Variants in PTPRN2 observed in about 807,000 individuals in gnomAD.
The protein encoded by PTPRN2 is protein tyrosine phosphatase receptor type N2.
In PTPRN2, 74 loss-of-function variants were observed where a neutral mutation model predicts 118.8. That is an observed-to-expected ratio of 0.62 (90% CI 0.52 to 0.76). The LOEUF (loss-of-function observed/expected upper bound fraction) is 0.76, where lower values mean the gene tolerates loss of function less well. Ranked by LOEUF, PTPRN2 falls within the 30% of genes least tolerant of loss-of-function variation. The pLI is 0.00. For synonymous variants in PTPRN2, 641 were observed against 608.0 expected, an observed-to-expected ratio of 1.05 and a Z score of -0.80; for missense variants, 1,481 against 1,394.4, an observed-to-expected ratio of 1.06 and a Z score of -0.99.
At chr7:158,182,048 G>T (rs1020327710) in intron 5 of PTPRN2, among the ~76,000 whole-genome samples, 1 of 152,152 alleles carries the variant, frequency 6.6e-6, no homozygotes. Context: ...TAGGCATTTA[G>T]CACAGTGAAC....
At chr7:158,445,675 G>A (rs896277743) in intron 2 of PTPRN2, among the ~76,000 whole-genome samples, 1 of 152,228 alleles carries the variant, frequency 6.6e-6, no homozygotes, top group African/African-American at 2.4e-5. Flanking sequence ...GCTCATCAAG[G>A]GAACAGCTTC....
In PTPRN2 at chr7:157,868,742, GA is replaced by G. The variant is rs1810874052; in HGVS notation, c.1788+29930del. Reference sequence around the variant, plus strand: ...CAGCGGTCGTTCTTCATTGTATTGTGAGCTCCCTCTGGGCTGTGCACTCCGG... The same window carrying G: ...CAGCGGTCGTTCTTCATTGTATTGTGGCTCCCTCTGGGCTGTGCACTCCGG... On this transcript the variant is annotated intron_variant, in intron 12 of 22. Transcript: ENST00000389418. The surrounding 1 kb of genome is among the most constrained non-coding windows in gnomAD (Gnocchi z 5.2). The G allele has an allele frequency of 6.6e-6, 1 of 152,138 alleles. No homozygotes were observed. The highest frequency in any genetic ancestry group is 2.4e-5 in the African/African-American group (1 of 41,408). 9.4% of individuals were successfully genotyped at this position (152,138 alleles called of 1,614,324 possible).
intron 12 of PTPRN2, among the ~76,000 whole-genome samples, chr7:157,731,344 C>G (rs1395391336): frequency 6.6e-6 from 1 of 152,212 alleles, no homozygotes; most frequent in Admixed American, 6.5e-5. Flanking sequence ...AATGTGAACT[C>G]TGCGGTGACT....
chr7:158,102,573 G>A (rs1815316838), intron 10 of PTPRN2, among the ~76,000 whole-genome samples: 1 of 152,178 alleles, frequency 6.6e-6, no homozygotes, highest in Admixed American at 6.5e-5. Flanking sequence ...GGCCTTGGCA[G>A]CAACAGGTGA....
chr7:157,593,888 C>T (rs77572816), intron 17 of PTPRN2, among the ~76,000 whole-genome samples: 2,003 of 152,322 alleles, frequency 0.013, 62 homozygotes, highest in Admixed American at 0.077. Flanking sequence ...CGTGCCATGC[C>T]GGGATTACAA....
rs546839159 is a variant in PTPRN2 at position 157,592,813 on chromosome 7, G to A, written c.2496+2425C>T. ...ATTGTGGTCGTTGAGCGTGGATGCC[G>A]AGAGCCTTCACACAGGACGGAGGGT... On this transcript the variant is annotated intron_variant, in intron 17 of 22. Coordinates refer to ENST00000389418, the MANE Select transcript of PTPRN2 (RefSeq NM_002847.5). Among the ~76,000 whole-genome samples, 314 of 137,844 alleles carry A rather than the reference G, an allele frequency of 2.3e-3. 2 individuals carry two copies. The highest frequency in any genetic ancestry group is 8.1e-3 in the African/African-American group (294 of 36,272). The allele number at this position is 137,844 out of a possible 152,430, so 90.4% of individuals were successfully genotyped here. A position where few individuals can be genotyped will look rare whatever the true frequency, so the allele number is the denominator to read the frequency against.
At chr7:157,805,322 T>TGC (rs563464500) in intron 12 of PTPRN2, among the ~76,000 whole-genome samples, 1 of 147,512 alleles carries the variant, frequency 6.8e-6, no homozygotes, top group East Asian at 2.1e-4. Flanking sequence ...TGTGTGCGTG[T>TGC]GCAAATACAT....
At chr7:158,083,535 T>C (rs1813007193) in intron 10 of PTPRN2, among the ~76,000 whole-genome samples, 1 of 152,182 alleles carries the variant, frequency 6.6e-6, no homozygotes, top group Non-Finnish European at 1.5e-5. Context: ...AGGTTCTTGG[T>C]TCCTCAGAGT....
rs942831724 is a variant in PTPRN2, at chr7:158,529,213, G to C, written c.113-39428C>G. ...TGGTGGGCACTAAGCACCCGTCGCT[G>C]TTGGTCCTGGGGCTAACGCTGATGG... On this transcript the variant is annotated intron_variant, in intron 1 of 22. Transcript: ENST00000389418. The surrounding 1 kb of genome is among the most constrained non-coding windows in gnomAD (Gnocchi z 4.7). Among the ~76,000 whole-genome samples, 1 of 152,258 alleles carries C rather than the reference G, an allele frequency of 6.6e-6. No individual in the cohort carries two copies. The highest frequency in any genetic ancestry group is 1.5e-5 in the Non-Finnish European group (1 of 68,040).
chr7:158,270,468 T>A (rs537614898), intron 3 of PTPRN2, among the ~76,000 whole-genome samples: 2 of 152,190 alleles, frequency 1.3e-5, no homozygotes, highest in South Asian at 4.2e-4. Context: ...CGGAGACAGA[T>A]GAGCCTCACT....
intron 11 of PTPRN2, among the ~76,000 whole-genome samples, chr7:157,935,649 C>T (rs1185046648): frequency 6.6e-6 from 1 of 152,230 alleles, no homozygotes; most frequent in Non-Finnish European, 1.5e-5. Flanking sequence ...GTCCTAATGT[C>T]CTGTTTCTTA....
chr7:157,747,683 G>T lies in PTPRN2; in HGVS notation c.1789-64746C>A, dbSNP rs576385913. On this transcript the variant is annotated intron_variant, in intron 12 of 22. Transcript: ENST00000389418. ...CGTCCCTGAGCTGTGGGCTGTTGAG[G>T]TGATTCTGAGGCCTGCGTCTCTCAG... Among the ~76,000 whole-genome samples, 33 of 135,438 alleles carry T rather than the reference G, an allele frequency of 2.4e-4. 1 individual carries two copies. Among genetic ancestry groups the T allele is most frequent in the African/African-American group, 7.9e-4 (28 of 35,498 alleles). The allele number at this position is 135,438 out of a possible 152,430, so 88.9% of individuals were successfully genotyped here.
At chr7:158,131,422 A>AAC (rs55822226) in intron 9 of PTPRN2, among the ~76,000 whole-genome samples, 95,078 of 145,654 alleles carry the variant, frequency 0.65, 31,859 homozygotes, top group African/African-American at 0.78. Context: ...ACATCTACCC[A>AAC]ACACACACAC....
rs13307029 is a variant in PTPRN2 at position 158,406,137 on chromosome 7, C to T, written c.163+83598G>A. ...ATCCCGGTGGCTCATCCGTGAGACA[C>T]GTGGCCGCACACTGAGATCCCGCAG... is the stretch of plus-strand genomic sequence containing the variant. On this transcript the variant is annotated intron_variant, in intron 2 of 22. Coordinates refer to ENST00000389418, the MANE Select transcript of PTPRN2 (RefSeq NM_002847.5). 3.5e-3 allele frequency among the ~76,000 whole-genome samples: 303 copies of T among 85,898 alleles called. 39 individuals are homozygous for T. The highest frequency in any genetic ancestry group is 4.6e-3 in the African/African-American group (94 of 20,534). The allele number at this position is 85,898 out of a possible 152,430, so 56.4% of individuals were successfully genotyped here. A position where few individuals can be genotyped will look rare whatever the true frequency, so the allele number is the denominator to read the frequency against.
At chr7:158,444,265 G>A (rs1817575908) in intron 2 of PTPRN2, among the ~76,000 whole-genome samples, 1 of 152,368 alleles carries the variant, frequency 6.6e-6, no homozygotes, top group East Asian at 1.9e-4. Flanking sequence ...GCCAGGCCAC[G>A]CCAGTGCCAT....
At chr7:158,071,798 CCTG>C (rs1811854998) in intron 11 of PTPRN2, among the ~76,000 whole-genome samples, 2 of 95,840 alleles carry the variant, frequency 2.1e-5, no homozygotes, top group Non-Finnish European at 3.8e-5. Context: ...TGGAGGTGCT[CCTG>C]GTGGAGGTGC....
At chr7:158,295,216 G>T (rs34845049) in intron 3 of PTPRN2, among the ~76,000 whole-genome samples, 390 of 56,874 alleles carry the variant, frequency 6.9e-3, no homozygotes, top group Admixed American at 7.5e-3. Flanking sequence ...AAGCCCATGG[G>T]GCCCGCTGAC....
rs1482218603 is a variant in PTPRN2, at chr7:158,517,360, C to T, written c.113-27575G>A. On this transcript the variant is annotated intron_variant, in intron 1 of 22. Transcript: ENST00000389418. This position sits in a 1 kb window ranked among gnomAD's most constrained non-coding sequence, Gnocchi z 5.3. ...GACACCTATCACCGCCCACCACAGGCGCACTGTGGGCTGATGGGGTGGGCC... is the reference window on the plus strand; with the variant it reads ...GACACCTATCACCGCCCACCACAGGTGCACTGTGGGCTGATGGGGTGGGCC... 6.6e-6 allele frequency among the ~76,000 whole-genome samples: 1 copy of T among 152,188 alleles called. No individual in the cohort carries two copies. Among genetic ancestry groups the T allele is most frequent in the East Asian group, 1.9e-4 (1 of 5,190 alleles).
intron 2 of PTPRN2, among the ~76,000 whole-genome samples, chr7:158,337,514 C>G (rs1168960633): frequency 6.8e-6 from 1 of 147,492 alleles, no homozygotes; most frequent in Non-Finnish European, 1.5e-5. Flanking sequence ...CACCCACACT[C>G]TCACCATAAG....
Sources: allele counts gnomAD v4.1 joint callset (sites outside exome capture counted in the v4.1 genomes callset), GRCh38; gene constraint gnomAD v4.1.1; non-coding constraint Gnocchi (gnomAD v3.1); transcripts MANE v1.5; gene names NCBI Gene and HGNC (gene_info 2026-07-23, HGNC 2026-07-21).